ARB2A: variants seen among roughly 807,000 people sequenced by gnomAD.
ARB2A encodes cotranscriptional regulator ARB2A.
At chr5:93,752,305 C>T in the ARB2A span, among the ~76,000 whole-genome samples, 4 of 152,176 alleles carry the variant, frequency 2.6e-5, no homozygotes, top group Non-Finnish European at 5.9e-5. Context: ...AGCCATGAAG[C>T]TATTCCTATG....
chr5:93,977,173 G>A, the ARB2A span, among the ~76,000 whole-genome samples: 6 of 151,998 alleles, frequency 3.9e-5, no homozygotes, highest in East Asian at 1.2e-3. Context: ...TATTTATACT[G>A]CCCAAAGCAA....
chr5:94,094,415 T>C, the ARB2A span, among the ~76,000 whole-genome samples: 1 of 152,180 alleles, frequency 6.6e-6, no homozygotes, highest in Non-Finnish European at 1.5e-5. Context: ...TATGACCTCA[T>C]TTAACCTTAA....
chr5:94,021,220 G>T, the ARB2A span, among the ~76,000 whole-genome samples: 3 of 152,124 alleles, frequency 2.0e-5, no homozygotes, highest in Non-Finnish European at 4.4e-5. Context: ...AATGGAAATG[G>T]TTTATACAGG....
the ARB2A span, among the ~76,000 whole-genome samples, chr5:93,846,338 T>TAA: frequency 7.1e-6 from 1 of 140,936 alleles, no homozygotes; most frequent in Non-Finnish European, 1.6e-5. Context: ...ACCCTGTCTC[T>TAA]AAAAAAAAAA....
chr5:93,930,811 T>C, the ARB2A span, among the ~76,000 whole-genome samples: 2 of 152,196 alleles, frequency 1.3e-5, no homozygotes, highest in Admixed American at 6.5e-5. Flanking sequence ...GACATTTCCA[T>C]GAAAATACTC....
the ARB2A span, among the ~76,000 whole-genome samples, chr5:93,689,304 G>T: frequency 2.0e-5 from 3 of 152,192 alleles, no homozygotes; most frequent in Non-Finnish European, 4.4e-5. Context: ...AAGAGCAGGG[G>T]CTGTACTTGT....
the ARB2A span, among the ~76,000 whole-genome samples, chr5:93,744,434 C>CAAAAAAAAAAAAAAAAAAAAAAAA: frequency 6.9e-5 from 1 of 14,534 alleles, no homozygotes; most frequent in African/African-American, 2.4e-4. Flanking sequence ...GACTCAGTCT[C>CAAAAAAAAAAAAAAAAAAAAAAAA]AAAAAAAAAA....
At chr5:93,687,019 A>T in the ARB2A span, among the ~76,000 whole-genome samples, 1 of 152,154 alleles carries the variant, frequency 6.6e-6, no homozygotes. Flanking sequence ...CAAACTCCAT[A>T]AGCAAAGCAA....
chr5:93,717,835 C>CTT, the ARB2A span, among the ~76,000 whole-genome samples: 24 of 136,322 alleles, frequency 1.8e-4, no homozygotes, highest in Non-Finnish European at 2.4e-4. Context: ...AATTCATATT[C>CTT]TTTTTTTTTT....
At chr5:94,077,300 G>A in the ARB2A span, among the ~76,000 whole-genome samples, 1 of 151,824 alleles carries the variant, frequency 6.6e-6, no homozygotes, top group Admixed American at 6.6e-5. Flanking sequence ...TTGAACCTGG[G>A]AGGCAGAGGT....
the ARB2A span, among the ~76,000 whole-genome samples, chr5:93,792,380 G>A: frequency 4.6e-5 from 7 of 151,984 alleles, no homozygotes; most frequent in Admixed American, 4.6e-4. Context: ...CACAGTCTTA[G>A]ATAGAAAAGT....
chr5:93,728,291 T>C, the ARB2A span, among the ~76,000 whole-genome samples: 3 of 152,158 alleles, frequency 2.0e-5, no homozygotes, highest in East Asian at 5.8e-4. Context: ...GATATAAAAA[T>C]GTATTGATAT....
the ARB2A span, among the ~76,000 whole-genome samples, chr5:93,912,631 C>CA: frequency 8.6e-5 from 13 of 151,148 alleles, no homozygotes; most frequent in South Asian, 2.1e-4. Flanking sequence ...CCATGATAAA[C>CA]AAAAAAAACT....
the ARB2A span, among the ~76,000 whole-genome samples, chr5:93,705,740 T>C: frequency 1.3e-5 from 2 of 151,568 alleles, no homozygotes; most frequent in Non-Finnish European, 2.9e-5. Flanking sequence ...ACACTTCAAT[T>C]AAGCAACTAT....
chr5:93,887,649 A>G, the ARB2A span, among the ~76,000 whole-genome samples: 2 of 151,886 alleles, frequency 1.3e-5, no homozygotes, highest in Non-Finnish European at 2.9e-5. Flanking sequence ...GATAGTTTTA[A>G]GCCATACAAC....
chr5:93,851,615 C>G, the ARB2A span, among the ~76,000 whole-genome samples: 1 of 152,264 alleles, frequency 6.6e-6, no homozygotes, highest in Admixed American at 6.5e-5. Context: ...TCCGCCACCC[C>G]ACAACAGTGC....
At chr5:93,894,451 A>T in the ARB2A span, among the ~76,000 whole-genome samples, 1 of 151,752 alleles carries the variant, frequency 6.6e-6, no homozygotes, top group East Asian at 1.9e-4. Flanking sequence ...CTGAGCTTCC[A>T]GTAATGTATT....
chr5:93,711,534 C>T, the ARB2A span, among the ~76,000 whole-genome samples: 1 of 151,976 alleles, frequency 6.6e-6, no homozygotes, highest in Non-Finnish European at 1.5e-5. Flanking sequence ...GCAGGACTTC[C>T]GAAGATGGCA....
At chr5:93,726,663 A>G in the ARB2A span, among the ~76,000 whole-genome samples, 3 of 152,016 alleles carry the variant, frequency 2.0e-5, no homozygotes, top group Non-Finnish European at 4.4e-5. Flanking sequence ...ACATGAATCA[A>G]TACTTTTTCT....
Sources: gnomAD v4.1 joint callset for allele counts (sites outside exome capture counted in the v4.1 genomes callset) on GRCh38, gnomAD v4.1.1 for gene constraint, MANE v1.5 for transcripts, NCBI Gene and HGNC (gene_info 2026-07-23, HGNC 2026-07-21) for gene names.